CFAP68: variants seen among roughly 807,000 people sequenced by gnomAD.
CFAP68 encodes cilia- and flagella-associated protein 68.
At chr11:111,881,850 G>A in the CFAP68 span, among the ~76,000 whole-genome samples, 1 of 152,150 alleles carries the variant, frequency 6.6e-6, no homozygotes, top group African/African-American at 2.4e-5. Flanking sequence ...GAACTCTAAT[G>A]TATGGTAAAA....
chr11:111,883,406 G>A, the CFAP68 span, among the ~76,000 whole-genome samples: 11 of 151,946 alleles, frequency 7.2e-5, no homozygotes, highest in East Asian at 3.9e-4. Flanking sequence ...CCTGGCCAGC[G>A]TGGTGAAACC....
chr11:111,884,822 T>G, the CFAP68 span: 1 of 152,134 alleles, frequency 6.6e-6, no homozygotes, highest in South Asian at 2.1e-4. Context: ...TGAATTAATT[T>G]TGGAGCAGAT....
At chr11:111,884,272 G>C in the CFAP68 span, 1 of 166,098 alleles carries the variant, frequency 6.0e-6, no homozygotes, top group Admixed American at 6.4e-5. Context: ...TCAGGAGTTC[G>C]AGACCAGCCT....
the CFAP68 span, among the ~76,000 whole-genome samples, chr11:111,879,831 C>T: frequency 6.6e-6 from 1 of 151,910 alleles, no homozygotes; most frequent in African/African-American, 2.4e-5. Flanking sequence ...AGTTTGGGGG[C>T]GAAGAGGGTC....
chr11:111,884,853 T>C, the CFAP68 span: 1 of 152,064 alleles, frequency 6.6e-6, no homozygotes, highest in African/African-American at 2.4e-5. Flanking sequence ...GAATTTAATC[T>C]ATAAAAATCT....
chr11:111,881,505 T>C, the CFAP68 span: 1 of 1,536,106 alleles, frequency 6.5e-7, no homozygotes, highest in South Asian at 1.2e-5. Flanking sequence ...GCCAGGTTTG[T>C]TGACATCTTT....
At chr11:111,884,691 AATT>A in the CFAP68 span, 3 of 152,134 alleles carry the variant, frequency 2.0e-5, no homozygotes, top group South Asian at 4.1e-4. Context: ...AACTTTTTAA[AATT>A]ATTATGGAGA....
the CFAP68 span, among the ~76,000 whole-genome samples, chr11:111,880,491 G>A: frequency 6.6e-6 from 1 of 152,174 alleles, no homozygotes; most frequent in African/African-American, 2.4e-5. Context: ...CACCAAAACC[G>A]AGATGGTGAT....
chr11:111,881,991 C>T, the CFAP68 span, among the ~76,000 whole-genome samples: 1 of 152,162 alleles, frequency 6.6e-6, no homozygotes, highest in Admixed American at 6.5e-5. Flanking sequence ...TCTAGTTACT[C>T]AACTCTCACT....
chr11:111,884,747 C>G, the CFAP68 span: 1 of 152,142 alleles, frequency 6.6e-6, no homozygotes, highest in African/African-American at 2.4e-5. Context: ...CTAATGAACT[C>G]CCATGTATCA....
the CFAP68 span, chr11:111,880,670 A>T: frequency 2.5e-6 from 1 of 405,058 alleles, no homozygotes; most frequent in Non-Finnish European, 5.0e-6. Flanking sequence ...ATGGGCAACC[A>T]GCTGCCCTCA....
the CFAP68 span, chr11:111,881,112 T>C: frequency 1.8e-5 from 16 of 894,940 alleles, no homozygotes; most frequent in South Asian, 2.2e-5. Context: ...TCAACAAGAC[T>C]TAGTGACTGG....
chr11:111,882,707 C>T, the CFAP68 span: 2 of 1,029,540 alleles, frequency 1.9e-6, no homozygotes, highest in Admixed American at 3.0e-5. Flanking sequence ...AGTGATCTCT[C>T]AGTTTTCAGT....
the CFAP68 span, among the ~76,000 whole-genome samples, chr11:111,880,235 T>G: frequency 2.0e-5 from 3 of 152,282 alleles, 1 homozygote; most frequent in South Asian, 6.2e-4. Context: ...GAGTGTGTGT[T>G]GTTTCCATGT....
At chr11:111,882,599 G>A in the CFAP68 span, 2 of 1,556,272 alleles carry the variant, frequency 1.3e-6, no homozygotes, top group South Asian at 1.2e-5. Flanking sequence ...GCCTTCCCAG[G>A]TAATCTAACT....
At chr11:111,881,698 A>G in the CFAP68 span, 2 of 1,408,728 alleles carry the variant, frequency 1.4e-6, no homozygotes, top group African/African-American at 1.4e-5. Flanking sequence ...AAAAAAAATG[A>G]AATCAGACAT....
the CFAP68 span, chr11:111,881,029 T>C: frequency 3.5e-5 from 12 of 343,212 alleles, no homozygotes; most frequent in African/African-American, 2.6e-4. Flanking sequence ...ACTGCAATAA[T>C]GGAGACAAAG....
At chr11:111,884,005 A>G in the CFAP68 span, 5 of 670,898 alleles carry the variant, frequency 7.5e-6, no homozygotes, top group Non-Finnish European at 7.4e-6. Flanking sequence ...CATTCTAAGT[A>G]CAGCTAAAAA....
the CFAP68 span, chr11:111,885,914 G>C: frequency 6.6e-6 from 1 of 151,782 alleles, no homozygotes; most frequent in African/African-American, 2.4e-5. Context: ...TTATTGAAAA[G>C]ACCATAATTT....
Sources: allele counts gnomAD v4.1 joint callset (sites outside exome capture counted in the v4.1 genomes callset), GRCh38; gene constraint gnomAD v4.1.1; transcripts MANE v1.5; gene names NCBI Gene and HGNC (gene_info 2026-07-23, HGNC 2026-07-21).